Variants in SINHCAF observed in about 807,000 individuals in gnomAD.
The protein encoded by SINHCAF is SIN3-HDAC complex-associated factor.
A neutral mutation model predicts 25.8 loss-of-function variants in SINHCAF; 3 were observed. That is an observed-to-expected ratio of 0.12 (90% CI 0.05 to 0.30). SINHCAF has a LOEUF of 0.30. Among genes scored for constraint, SINHCAF ranks in the 10% least tolerant of loss-of-function variants. The probability of loss-of-function intolerance (pLI) is 1.00; values close to 1 mark genes in which losing one functional copy is unlikely to be tolerated. For missense variants in SINHCAF, 121 were observed against 262.3 expected, an observed-to-expected ratio of 0.46 and a Z score of 3.72; for synonymous variants, 70 against 85.5, an observed-to-expected ratio of 0.82 and a Z score of 1.00.
In SINHCAF at chr12:31,325,018, C is replaced by A. The variant is rs1219121223; in HGVS notation, c.-21+1006G>T. ...CGGGGCTGGACATTCGGACAAGGAC[C>A]AGGGTCGCAGCCCGAAGCACGTGGT... is the stretch of plus-strand genomic sequence containing the variant. On this transcript the variant is annotated intron_variant, in intron 1 of 5. Transcript: ENST00000337682. This position sits in a 1 kb window ranked among gnomAD's most constrained non-coding sequence, Gnocchi z 5.9. The A allele has an allele frequency of 2.2e-6, 1 of 456,696 alleles. No individual in the cohort carries two copies. Among genetic ancestry groups the A allele is most frequent in the African/African-American group, 2.0e-5 (1 of 50,110 alleles). The allele number at this position is 456,696 out of a possible 1,614,324, so 28.3% of individuals were successfully genotyped here. A position where few individuals can be genotyped will look rare whatever the true frequency, so the allele number is the denominator to read the frequency against.
At chr12:31,287,143 CAT>C (rs1392124710) in intron 5 of SINHCAF, among the ~76,000 whole-genome samples, 37 of 152,154 alleles carry the variant, frequency 2.4e-4, no homozygotes, top group African/African-American at 8.4e-4. Context: ...GCTTTAGCAA[CAT>C]GTCTTTTTTC....
intron 1 of SINHCAF, among the ~76,000 whole-genome samples, chr12:31,299,269 A>C (rs1321012768): frequency 6.6e-6 from 1 of 152,234 alleles, no homozygotes; most frequent in African/African-American, 2.4e-5. Context: ...ATGAGGGTCT[A>C]ACTATAAATT....
intron 1 of SINHCAF, among the ~76,000 whole-genome samples, chr12:31,309,653 A>G (rs920009554): frequency 3.3e-5 from 5 of 149,718 alleles, no homozygotes; most frequent in Non-Finnish European, 5.9e-5. Context: ...CACCACTAAC[A>G]TCAACTTGTG....
intron 1 of SINHCAF, chr12:31,311,688 TGCAA>T: frequency 4.1e-6 from 2 of 485,890 alleles, no homozygotes; most frequent in Admixed American, 2.6e-5. Context: ...TTTTGAAGTA[TGCAA>T]GCATTGAGAA....
chr12:31,287,870 A>G (rs1349852883), intron 4 of SINHCAF, 86 bp from the exon 5 acceptor site: 1 of 931,600 alleles, frequency 1.1e-6, no homozygotes, highest in Non-Finnish European at 1.5e-6. Context: ...ACACTGTGAA[A>G]GAGTTGGTAA....
intron 1 of SINHCAF, among the ~76,000 whole-genome samples, chr12:31,301,906 T>C (rs1272866893): frequency 1.3e-5 from 2 of 152,168 alleles, no homozygotes; most frequent in Non-Finnish European, 2.9e-5. Context: ...AGCAATCTGG[T>C]GGTTCTTTAG....
rs190319735 is a variant in SINHCAF, at chr12:31,321,904, G to T, written c.-21+4120C>A. Among the ~76,000 whole-genome samples the T allele has an allele frequency of 3.9e-4, 59 of 151,958 alleles. 1 individual carries two copies. The highest frequency in any genetic ancestry group is 1.4e-3 in the African/African-American group (57 of 41,360). The stretch of plus-strand genomic sequence containing the variant: ...AAAACTTTTATTTTACATGTAAAAT[G>T]GTTCTTAAATTGCTTCTCTGACATA... On this transcript the variant is annotated intron_variant, in intron 1 of 5. Coordinates refer to ENST00000337682, the MANE Select transcript of SINHCAF (RefSeq NM_001135812.2).
At chr12:31,316,308 CAA>C (rs1286256516) in intron 1 of SINHCAF, among the ~76,000 whole-genome samples, 1 of 151,954 alleles carries the variant, frequency 6.6e-6, no homozygotes, top group East Asian at 1.9e-4. Flanking sequence ...ATTATATGGA[CAA>C]TATATATAAA....
chr12:31,287,823 T>C, intron 4 of SINHCAF, 39 bp from the exon 5 acceptor site: 1 of 1,499,502 alleles, frequency 6.7e-7, no homozygotes, highest in East Asian at 2.3e-5. Context: ...AATTTTCAAT[T>C]TCATTACATG....
At chr12:31,300,248 A>T (rs529092813) in intron 1 of SINHCAF, among the ~76,000 whole-genome samples, 48 of 152,304 alleles carry the variant, frequency 3.2e-4, no homozygotes, top group Non-Finnish European at 5.9e-4. Flanking sequence ...TTTTTTTAAA[A>T]CTTTTATTAG....
At chr12:31,301,165 T>C (rs778409836) in intron 1 of SINHCAF, among the ~76,000 whole-genome samples, 5 of 152,192 alleles carry the variant, frequency 3.3e-5, no homozygotes, top group African/African-American at 7.2e-5. Context: ...TAGGTGAATA[T>C]TGAGGCTTTC....
intron 1 of SINHCAF, among the ~76,000 whole-genome samples, chr12:31,310,432 C>T (rs1459743184): frequency 6.6e-6 from 1 of 152,154 alleles, no homozygotes; most frequent in African/African-American, 2.4e-5. Flanking sequence ...TCCAGTTTAT[C>T]ATCCTGTTTC....
chr12:31,290,759 GC>G (rs1216427763), intron 4 of SINHCAF, among the ~76,000 whole-genome samples: 1 of 152,048 alleles, frequency 6.6e-6, no homozygotes, highest in Admixed American at 6.6e-5. Flanking sequence ...TGCTCTTGTT[GC>G]CCAGGCTGGA....
At chr12:31,292,517 A>G (rs2137081570) in intron 4 of SINHCAF, among the ~76,000 whole-genome samples, 1 of 152,170 alleles carries the variant, frequency 6.6e-6, no homozygotes, top group Admixed American at 6.5e-5. Flanking sequence ...AAAAGAAATA[A>G]AAGAAAATAT....
chr12:31,287,750 G>C lies in SINHCAF; in HGVS notation c.390C>G (p.Ser130=). 6.2e-7 allele frequency: 1 copy of C among 1,609,114 alleles called. No individual in the cohort carries two copies. Among genetic ancestry groups the C allele is most frequent in the African/African-American group, 1.3e-5 (1 of 74,952 alleles). ...SDAHSTTSSA[S]PAQSPCYSNQ... is the part of the protein sequence containing the mutation. ...TACTGTAACAAGGAGATTGAGCTGG[G>C]GAGGCACTTGAGGTGGTACTGTGAG... is the stretch of plus-strand genomic sequence containing the variant. The change falls in exon 5 of 6, where the codon TCC becomes TCG. Residue 130 remains serine (S), a synonymous_variant. Coordinates refer to ENST00000337682, the MANE Select transcript of SINHCAF (RefSeq NM_001135812.2).
chr12:31,300,518 G>C (rs770476762), intron 1 of SINHCAF, among the ~76,000 whole-genome samples: 2 of 152,098 alleles, frequency 1.3e-5, no homozygotes, highest in Non-Finnish European at 2.9e-5. Flanking sequence ...AAATGAGGAA[G>C]TACCCTCTAC....
In SINHCAF at chr12:31,325,418, A is replaced by C; in HGVS notation, c.-21+606T>G. On this transcript the variant is annotated intron_variant, in intron 1 of 5. Transcript: ENST00000337682. The surrounding 1 kb of genome is among the most constrained non-coding windows in gnomAD (Gnocchi z 5.9). Reference sequence around the variant, plus strand: ...TGCGCTCCGGCAGAGCCCAGCACTGACCCCCAAAGGCCGATTTAAAGACCC... The same window carrying C: ...TGCGCTCCGGCAGAGCCCAGCACTGCCCCCCAAAGGCCGATTTAAAGACCC... 1 of 350,940 alleles carries C rather than the reference A, an allele frequency of 2.8e-6. No individual in the cohort carries two copies. Among genetic ancestry groups the C allele is most frequent in the Non-Finnish European group, 5.7e-6 (1 of 176,134 alleles). 21.7% of individuals were successfully genotyped at this position (350,940 alleles called of 1,614,324 possible).
intron 2 of SINHCAF, among the ~76,000 whole-genome samples, chr12:31,297,516 AG>A (rs2137092245): frequency 8.1e-6 from 1 of 122,856 alleles, no homozygotes; most frequent in East Asian, 2.4e-4. Flanking sequence ...TTCTGTCGCC[AG>A]GCTGGAGTGC....
At chr12:31,290,020 G>A (rs188655663) in intron 4 of SINHCAF, among the ~76,000 whole-genome samples, 70 of 152,100 alleles carry the variant, frequency 4.6e-4, no homozygotes, top group Admixed American at 3.2e-3. Context: ...GCAGAGACAA[G>A]GTCTCGTTAT....
Sources: gnomAD v4.1 joint callset for allele counts (sites outside exome capture counted in the v4.1 genomes callset) on GRCh38, gnomAD v4.1.1 for gene constraint, Gnocchi (gnomAD v3.1) non-coding constraint, MANE v1.5 for transcripts, NCBI Gene and HGNC (gene_info 2026-07-23, HGNC 2026-07-21) for gene names.